TMEM273: variants seen among roughly 807,000 people sequenced by gnomAD.
TMEM273 encodes transmembrane protein 273.
In TMEM273, 19 loss-of-function variants were observed where a neutral mutation model predicts 17.9. That is an observed-to-expected ratio of 1.06 (90% CI 0.74 to 1.55). TMEM273 has a LOEUF of 1.55. TMEM273 is among the 40% of genes most tolerant of loss of function. TMEM273 has a pLI of 0.00. For synonymous variants in TMEM273, 66 were observed against 62.0 expected, an observed-to-expected ratio of 1.07 and a Z score of -0.31; for missense variants, 194 against 155.6, an observed-to-expected ratio of 1.25 and a Z score of -1.31.
intron 1 of TMEM273, among the ~76,000 whole-genome samples, chr10:49,172,893 C>T (rs1846672502): frequency 6.6e-6 from 1 of 152,244 alleles, no homozygotes; most frequent in Non-Finnish European, 1.5e-5. Flanking sequence ...GTGACTCCCA[C>T]AGGGCTGGCT....
intron 5 of TMEM273, among the ~76,000 whole-genome samples, chr10:49,162,142 C>A (rs1031975990): frequency 1.3e-5 from 2 of 152,186 alleles, no homozygotes; most frequent in Non-Finnish European, 2.9e-5. Context: ...AACAGAGACG[C>A]TCCTCTTAGA....
intron 6 of TMEM273, among the ~76,000 whole-genome samples, chr10:49,159,016 A>C (rs1845682473): frequency 6.6e-6 from 1 of 152,208 alleles, no homozygotes; most frequent in Non-Finnish European, 1.5e-5. Context: ...CAGAAAGAAT[A>C]AACCAGGAAC....
At chr10:49,160,883 A>G (rs930740654) in intron 6 of TMEM273, 3 of 151,928 alleles carry the variant, frequency 2.0e-5, no homozygotes, top group Non-Finnish European at 4.4e-5. Context: ...GGATTTGAAA[A>G]TTTTTCATAA....
chr10:49,165,098 G>A, intron 5 of TMEM273, 107 bp downstream of exon 5: 2 of 1,411,246 alleles, frequency 1.4e-6, no homozygotes, highest in Non-Finnish European at 1.9e-6. Context: ...ATGCAAAATA[G>A]ACAAATCAAT....
At chr10:49,162,241 T>G (rs1232937556) in intron 5 of TMEM273, among the ~76,000 whole-genome samples, 7 of 152,206 alleles carry the variant, frequency 4.6e-5, no homozygotes, top group Admixed American at 3.3e-4. Context: ...CACAGCAGCA[T>G]CATCCCACAC....
chr10:49,186,671 AAGTTTTCC>A (rs1457280463), intron 1 of TMEM273, among the ~76,000 whole-genome samples: 2 of 152,250 alleles, frequency 1.3e-5, no homozygotes, highest in African/African-American at 4.8e-5. Flanking sequence ...TTCTTTGTCC[AAGTTTTCC>A]AGGCTGGTAA....
rs990390397 is a variant in TMEM273, at chr10:49,161,412, T to C, written c.372+187A>G. The C allele has an allele frequency of 6.0e-6, 4 of 671,106 alleles. No homozygotes were observed. In the African/African-American group the frequency reaches 7.2e-5, roughly 12 times the overall value. 41.6% of individuals were successfully genotyped at this position (671,106 alleles called of 1,614,324 possible). On this transcript the variant is annotated intron_variant, in intron 6 of 6. Coordinates refer to ENST00000374153, the MANE Select transcript of TMEM273 (RefSeq NM_001288740.3). ...TCATGTTAAATCTTGCCAAGTACCA[T>C]CATGTCCCAAGGTGATGCTGATTCC...
intron 6 of TMEM273, among the ~76,000 whole-genome samples, chr10:49,157,788 T>C (rs546032370): frequency 2.2e-4 from 34 of 152,358 alleles, no homozygotes; most frequent in African/African-American, 8.2e-4. Flanking sequence ...ACGCATGTTG[T>C]ATGCACACTT....
chr10:49,184,449 A>G (rs528496495), intron 1 of TMEM273, among the ~76,000 whole-genome samples: 1 of 152,370 alleles, frequency 6.6e-6, no homozygotes, highest in East Asian at 1.9e-4. Context: ...TAAAAGACCA[A>G]TAATCAAATA....
Position 49,165,142 on chromosome 10 carries a change from T to A in TMEM273, c.348+63A>T, listed in dbSNP as rs995854576. Reference sequence around the variant, plus strand: ...TAGCATCAACTAGTGCAAAGAATTATAAAGAAAACTAAAGCCAAGCAAAGA... The same window carrying A: ...TAGCATCAACTAGTGCAAAGAATTAAAAAGAAAACTAAAGCCAAGCAAAGA... On this transcript the variant is annotated intron_variant, in intron 5 of 6. Transcript: ENST00000374153. 3.4e-6 allele frequency: 5 copies of A among 1,490,446 alleles called. No homozygotes were observed. The African/African-American group carries it at 7.1e-5, about 21-fold the overall frequency. The allele number at this position is 1,490,446 out of a possible 1,614,324, so 92.3% of individuals were successfully genotyped here.
At chr10:49,158,402 T>C (rs533499457) in intron 6 of TMEM273, among the ~76,000 whole-genome samples, 8 of 152,132 alleles carry the variant, frequency 5.3e-5, no homozygotes, top group African/African-American at 1.9e-4. Flanking sequence ...AATTCTCCAC[T>C]GGGACCTCCC....
At chr10:49,187,755 C>A (rs1207351956) in intron 1 of TMEM273, among the ~76,000 whole-genome samples, 3 of 152,180 alleles carry the variant, frequency 2.0e-5, no homozygotes, top group Admixed American at 6.5e-5. Context: ...TCAAGGAATG[C>A]ATTAAAGATA....
intron 1 of TMEM273, among the ~76,000 whole-genome samples, chr10:49,168,894 C>T (rs1846375262): frequency 6.6e-6 from 1 of 152,192 alleles, no homozygotes; most frequent in African/African-American, 2.4e-5. Context: ...TGGCCACTTA[C>T]TCTGAGACGG....
intron 1 of TMEM273, among the ~76,000 whole-genome samples, chr10:49,172,930 A>C (rs1311367286): frequency 6.6e-6 from 1 of 152,202 alleles, no homozygotes; most frequent in Non-Finnish European, 1.5e-5. Flanking sequence ...ACCCTGCCTG[A>C]CCAATTAGCA....
At chr10:49,170,106 G>A (rs549743592) in intron 1 of TMEM273, among the ~76,000 whole-genome samples, 3 of 152,332 alleles carry the variant, frequency 2.0e-5, no homozygotes, top group East Asian at 1.9e-4. Flanking sequence ...AGCCTGAGAT[G>A]AAATCCGAGC....
chr10:49,162,560 C>G (rs1845913730), intron 5 of TMEM273, among the ~76,000 whole-genome samples: 2 of 152,206 alleles, frequency 1.3e-5, no homozygotes, highest in South Asian at 4.1e-4. Context: ...CGTCCCTGTG[C>G]TGGGGGGAGC....
At chr10:49,172,144 T>C (rs1846616343) in intron 1 of TMEM273, among the ~76,000 whole-genome samples, 1 of 152,192 alleles carries the variant, frequency 6.6e-6, no homozygotes, top group Non-Finnish European at 1.5e-5. Flanking sequence ...CATTCTCAGC[T>C]AGAGGAAGTG....
In TMEM273 at chr10:49,165,297, T is replaced by G. The variant is rs1185001413; in HGVS notation, c.270-14A>C. ...GCTTGCAGCTTTCTGGCAAAGAGCATTCCAATTACAGAAAACAGCAAGTGC... is the reference window on the plus strand; with the variant it reads ...GCTTGCAGCTTTCTGGCAAAGAGCAGTCCAATTACAGAAAACAGCAAGTGC... On this transcript the variant is annotated splice_polypyrimidine_tract_variant and intron_variant, in intron 4 of 6. Coordinates refer to ENST00000374153, the MANE Select transcript of TMEM273 (RefSeq NM_001288740.3). 6.4e-7 allele frequency: 1 copy of G among 1,550,424 alleles called. No individual in the cohort carries two copies. The highest frequency in any genetic ancestry group is 8.7e-7 in the Non-Finnish European group (1 of 1,146,992).
At chr10:49,161,349 C>A (rs559984487) in intron 6 of TMEM273, 7 of 568,292 alleles carry the variant, frequency 1.2e-5, no homozygotes. Flanking sequence ...CTGTTAAAAC[C>A]ATTTTCTCAG....
Sources: gnomAD v4.1 joint callset for allele counts (sites outside exome capture counted in the v4.1 genomes callset) on GRCh38, gnomAD v4.1.1 for gene constraint, MANE v1.5 for transcripts, NCBI Gene and HGNC (gene_info 2026-07-23, HGNC 2026-07-21) for gene names.